Variants in ADGRD1 observed in about 807,000 individuals in gnomAD.
The protein encoded by ADGRD1 is adhesion G protein-coupled receptor D1.
A neutral mutation model predicts 113.4 loss-of-function variants in ADGRD1; 77 were observed. The observed-to-expected ratio is 0.68, with a 90% CI of 0.57 to 0.82. The LOEUF is 0.82. ADGRD1 is among the 40% of genes least tolerant of loss of function. ADGRD1 has a pLI of 0.00. For missense variants in ADGRD1, 1,036 were observed against 1,139.1 expected (o/e 0.91, Z 1.30); for synonymous variants, 474 against 475.0 (o/e 1.00, Z 0.03).
chr12:131,009,121 C>T (rs1371240039), intron 12 of ADGRD1, among the ~76,000 whole-genome samples: 1 of 152,188 alleles, frequency 6.6e-6, no homozygotes, highest in Non-Finnish European at 1.5e-5. Flanking sequence ...GTCTGCCGCA[C>T]GCCTGCAGCC....
At chr12:131,098,997 G>T (rs1950006933) in intron 15 of ADGRD1, among the ~76,000 whole-genome samples, 1 of 152,226 alleles carries the variant, frequency 6.6e-6, no homozygotes, top group Non-Finnish European at 1.5e-5. Flanking sequence ...TCCACTCACA[G>T]GCTTGCTCTG....
chr12:130,996,271 C>G (rs1439780282), intron 8 of ADGRD1, among the ~76,000 whole-genome samples: 2 of 144,978 alleles, frequency 1.4e-5, no homozygotes, highest in African/African-American at 5.2e-5. Context: ...CATCCTGGCC[C>G]GTTCTCAATG....
At chr12:130,980,967 C>T (rs1872909724) in intron 4 of ADGRD1, 1 of 152,224 alleles carries the variant, frequency 6.6e-6, no homozygotes, top group Non-Finnish European at 1.5e-5. Flanking sequence ...TGCAATCCCT[C>T]CTCCCCCGCA....
rs1474690662 is a variant in ADGRD1, at chr12:131,104,884, C to T, written c.1725C>T (p.Ser575=). 4 of 1,551,328 alleles carry T rather than the reference C, an allele frequency of 2.6e-6. No individual in the cohort carries two copies. Among genetic ancestry groups the T allele is most frequent in the African/African-American group, 2.7e-5 (2 of 73,102 alleles). The change falls in exon 16 of 25, where the codon TCC becomes TCT. Residue 575 remains serine, a synonymous_variant. Transcript: ENST00000261654. ...ALSSISYVGC[S]LSVLCLVATL... The stretch of plus-strand genomic sequence containing the variant: ...CGTCTATCAGCTATGTGGGCTGCTC[C>T]CTCTCCGTGCTCTGCCTGGTGGCCA...
rs956413476 is a variant in ADGRD1, at chr12:130,984,554, C to T, written c.490+2491C>T. 1.3e-5 allele frequency among the ~76,000 whole-genome samples: 2 copies of T among 152,172 alleles called. No homozygotes were observed. Among genetic ancestry groups the T allele is most frequent in the African/African-American group, 4.8e-5 (2 of 41,444 alleles). On this transcript the variant is annotated intron_variant, in intron 5 of 24. Coordinates refer to ENST00000261654, the MANE Select transcript of ADGRD1 (RefSeq NM_198827.5). The surrounding 1 kb of genome is among the most constrained non-coding windows in gnomAD (Gnocchi z 4.1). ...ATTCCCATTACCCTCCGCCTCTACA[C>T]AGGCACAGCTTCCCCCACTATGGAC...
At chr12:130,985,683 C>T (rs936913770) in intron 5 of ADGRD1, among the ~76,000 whole-genome samples, 3 of 152,046 alleles carry the variant, frequency 2.0e-5, no homozygotes, top group Non-Finnish European at 4.4e-5. Context: ...TCCTGAGTAG[C>T]TGGGATTACA....
chr12:131,016,581 C>T (rs568902706), intron 13 of ADGRD1, among the ~76,000 whole-genome samples: 37 of 152,338 alleles, frequency 2.4e-4, no homozygotes, highest in East Asian at 2.1e-3. Context: ...TGCTGCCCCG[C>T]GGCGTGTCAA....
chr12:131,060,895 C>T lies in ADGRD1; in HGVS notation c.1474-15906C>T, dbSNP rs1227024444. ...TGGTAATTCTGGCCTCCCAGGGGCT[C>T]AGTCCACCCCGCCCATGTTACCTGG... On this transcript the variant is annotated intron_variant, in intron 13 of 24. Coordinates refer to ENST00000261654, the MANE Select transcript of ADGRD1 (RefSeq NM_198827.5). This position sits in a 1 kb window ranked among gnomAD's most constrained non-coding sequence, Gnocchi z 4.4. Among the ~76,000 whole-genome samples, 1 of 152,128 alleles carries T rather than the reference C, an allele frequency of 6.6e-6. No individual in the cohort carries two copies. Among genetic ancestry groups the T allele is most frequent in the Non-Finnish European group, 1.5e-5 (1 of 68,020 alleles).
At chr12:131,116,087 C>T (rs1950456770) in intron 18 of ADGRD1, among the ~76,000 whole-genome samples, 1 of 152,174 alleles carries the variant, frequency 6.6e-6, no homozygotes, top group Non-Finnish European at 1.5e-5. Context: ...CTTAAAAAGC[C>T]CCACAAACGC....
Position 131,005,914 on chromosome 12 carries a change from T to A in ADGRD1, c.1256-58T>A. 4 of 1,394,910 alleles carry A rather than the reference T, an allele frequency of 2.9e-6. No individual in the cohort carries two copies. In the South Asian group the frequency reaches 4.6e-5, roughly 16 times the overall value. 86.4% of individuals were successfully genotyped at this position (1,394,910 alleles called of 1,614,324 possible). A position where few individuals can be genotyped will look rare whatever the true frequency, so the allele number is the denominator to read the frequency against. ...GCATGGCGGGGCGTGGGGCTTTGTG[T>A]TTTTCCTGCCTGTGGCCTGGAGCGC... On this transcript the variant is annotated intron_variant, in intron 11 of 24. Transcript: ENST00000261654.
intron 17 of ADGRD1, among the ~76,000 whole-genome samples, chr12:131,107,472 G>A (rs1028064176): frequency 6.6e-6 from 1 of 150,420 alleles, no homozygotes; most frequent in Non-Finnish European, 1.5e-5. Context: ...GGGCTCTGAT[G>A]GGTCCCGCTC....
At chr12:131,137,098 C>T (rs377420352) in intron 23 of ADGRD1, 84 bp downstream of exon 23, 3 of 1,101,114 alleles carry the variant, frequency 2.7e-6, no homozygotes, top group African/African-American at 3.1e-5. Context: ...ACAGCGCTGC[C>T]CTGTCAGGGT....
chr12:131,097,732 C>G (rs1405591375), intron 15 of ADGRD1, among the ~76,000 whole-genome samples: 1 of 152,172 alleles, frequency 6.6e-6, no homozygotes, highest in East Asian at 1.9e-4. Flanking sequence ...GCGGAGAGAC[C>G]AGAGACAGGC....
intron 9 of ADGRD1, among the ~76,000 whole-genome samples, chr12:131,002,279 T>G (rs1566018342): frequency 6.6e-6 from 1 of 152,322 alleles, no homozygotes; most frequent in East Asian, 1.9e-4. Flanking sequence ...CAATATGCAT[T>G]AAAGAGAATG....
chr12:131,103,687 G>C (rs543997386), intron 15 of ADGRD1, among the ~76,000 whole-genome samples: 1 of 152,212 alleles, frequency 6.6e-6, no homozygotes, highest in Non-Finnish European at 1.5e-5. Context: ...CCTGGTGATC[G>C]GGGAGAAGGC....
At chr12:131,124,501 C>A (rs1950694820) in intron 20 of ADGRD1, among the ~76,000 whole-genome samples, 1 of 152,208 alleles carries the variant, frequency 6.6e-6, no homozygotes, top group Non-Finnish European at 1.5e-5. Context: ...AGAACATCAG[C>A]TTCCCTGTGT....
chr12:131,129,475 G>A (rs1465116703), intron 20 of ADGRD1, among the ~76,000 whole-genome samples: 5 of 140,562 alleles, frequency 3.6e-5, no homozygotes, highest in African/African-American at 1.4e-4. Flanking sequence ...CTGGGTGTGA[G>A]TGACAGCCCC....
At chr12:131,063,748 C>T (rs1457138719) in intron 13 of ADGRD1, among the ~76,000 whole-genome samples, 5 of 152,148 alleles carry the variant, frequency 3.3e-5, no homozygotes, top group Non-Finnish European at 4.4e-5. Flanking sequence ...TCTTCTTTTA[C>T]GAAATTGTTT....
intron 12 of ADGRD1, 139 bp downstream of exon 12, chr12:131,006,186 G>C: frequency 2.7e-6 from 2 of 742,470 alleles, no homozygotes; most frequent in Non-Finnish European, 4.6e-6. Flanking sequence ...GCTCGGGCAA[G>C]GAAACGTGAA....
Sources: gnomAD v4.1 joint callset for allele counts (sites outside exome capture counted in the v4.1 genomes callset) on GRCh38, gnomAD v4.1.1 for gene constraint, Gnocchi (gnomAD v3.1) non-coding constraint, MANE v1.5 for transcripts, NCBI Gene and HGNC (gene_info 2026-07-23, HGNC 2026-07-21) for gene names.